The following ZNF704 variants were observed in gnomAD, a reference collection of about 807,000 sequenced individuals.
ZNF704 encodes the protein zinc finger protein 704, also known as glucocorticoid induced gene 1.
Under a neutral mutation model 44.7 loss-of-function variants are expected in ZNF704, and 10 were observed. The ratio of observed to expected loss-of-function variants is 0.22; its 90% CI spans 0.14 to 0.38. ZNF704 has a LOEUF of 0.38. ZNF704 is among the 10% of genes least tolerant of loss of function. The pLI is 1.00. For missense variants in ZNF704, 390 were observed against 545.5 expected (o/e 0.71, Z 2.84); for synonymous variants, 211 against 207.6 (o/e 1.02, Z -0.14).
chr8:80,630,736 T>C lies in ZNF704; in HGVS notation c.*10630A>G, dbSNP rs1419876105. On this transcript the variant is annotated 3_prime_UTR_variant, in exon 9 of 9. Transcript: ENST00000327835. The stretch of plus-strand genomic sequence containing the variant: ...GAGTTCTTCTTCTAAGTATATAGGA[T>C]TTTGATACGCAAAACACTTTGGAAA... 1 of 152,184 alleles carries C rather than the reference T, an allele frequency of 6.6e-6. No individual in the cohort carries two copies. Among genetic ancestry groups the C allele is most frequent in the African/African-American group, 2.4e-5 (1 of 41,440 alleles). 9.4% of individuals were successfully genotyped at this position (152,184 alleles called of 1,614,324 possible).
At chr8:80,834,667 T>C (rs537545316) in intron 1 of ZNF704, among the ~76,000 whole-genome samples, 1 of 152,306 alleles carries the variant, frequency 6.6e-6, no homozygotes, top group South Asian at 2.1e-4. Flanking sequence ...TTTGTCATAA[T>C]GCTCTCCCTC....
In ZNF704 at chr8:80,646,013, C is replaced by T. The variant is rs139917302; in HGVS notation, c.1033-2884G>A. On this transcript the variant is annotated intron_variant, in intron 7 of 8. Coordinates refer to ENST00000327835, the MANE Select transcript of ZNF704 (RefSeq NM_001033723.3). ...GCAAGGGCCAGTTTGGCCCCCCTCACCCTCTCACCTTCTGCCATGTGATGA... is the reference window on the plus strand; with the variant it reads ...GCAAGGGCCAGTTTGGCCCCCCTCATCCTCTCACCTTCTGCCATGTGATGA... 4.7e-3 allele frequency among the ~76,000 whole-genome samples: 718 copies of T among 152,278 alleles called. 2 individuals are homozygous for T. Among genetic ancestry groups the T allele is most frequent in the Non-Finnish European group, 7.2e-3 (489 of 68,030 alleles).
At chr8:80,705,975 T>C (rs1292956279) in intron 2 of ZNF704, among the ~76,000 whole-genome samples, 3 of 152,136 alleles carry the variant, frequency 2.0e-5, no homozygotes, top group Non-Finnish European at 4.4e-5. Flanking sequence ...GAGCACCTCA[T>C]CCAGCAGAGC....
At chr8:80,817,341 C>A (rs1808193060) in intron 2 of ZNF704, among the ~76,000 whole-genome samples, 1 of 152,228 alleles carries the variant, frequency 6.6e-6, no homozygotes, top group Non-Finnish European at 1.5e-5. Context: ...AAGGCCACAG[C>A]TCCCACATGC....
At chr8:80,681,579 T>C (rs1173769838) in intron 4 of ZNF704, among the ~76,000 whole-genome samples, 2 of 152,142 alleles carry the variant, frequency 1.3e-5, no homozygotes, top group African/African-American at 2.4e-5. Flanking sequence ...CAAAACTCAC[T>C]AAATGGTATA....
intron 2 of ZNF704, among the ~76,000 whole-genome samples, chr8:80,719,436 C>G (rs1819126833): frequency 6.6e-6 from 1 of 152,112 alleles, no homozygotes; most frequent in African/African-American, 2.4e-5. Flanking sequence ...CAGAAAAGAT[C>G]AAAGTAACAA....
intron 2 of ZNF704, among the ~76,000 whole-genome samples, chr8:80,759,229 T>C (rs535353982): frequency 5.7e-4 from 86 of 151,974 alleles, no homozygotes; most frequent in Non-Finnish European, 1.1e-3. Flanking sequence ...TTTGTAGACT[T>C]TTGATGGACC....
At chr8:80,649,407 T>A (rs912604940) in intron 7 of ZNF704, among the ~76,000 whole-genome samples, 1 of 152,178 alleles carries the variant, frequency 6.6e-6, no homozygotes, top group Non-Finnish European at 1.5e-5. Flanking sequence ...GGGAATTCCC[T>A]TTCCTAGTCA....
At chr8:80,705,711 G>A (rs1818885813) in intron 2 of ZNF704, among the ~76,000 whole-genome samples, 1 of 152,172 alleles carries the variant, frequency 6.6e-6, no homozygotes, top group Non-Finnish European at 1.5e-5. Flanking sequence ...TGGCTGTGCC[G>A]CAGACCCTGT....
intron 2 of ZNF704, among the ~76,000 whole-genome samples, chr8:80,772,679 TG>T (rs1443291217): frequency 6.6e-6 from 1 of 152,190 alleles, no homozygotes; most frequent in African/African-American, 2.4e-5. Context: ...GCATGCGATT[TG>T]GGTGGGGACA....
intron 2 of ZNF704, among the ~76,000 whole-genome samples, chr8:80,744,478 T>C (rs1806812719): frequency 6.6e-6 from 1 of 152,186 alleles, no homozygotes; most frequent in South Asian, 2.1e-4. Context: ...ATAGTCTCCC[T>C]TGTTGCAGAG....
chr8:80,875,277 C>G (rs1809341266), upstream of ZNF704, among the ~76,000 whole-genome samples: 1 of 151,800 alleles, frequency 6.6e-6, no homozygotes, highest in South Asian at 2.1e-4. Context: ...GGTATTTCTT[C>G]TTTTATTTAT....
At chr8:80,842,262 T>A (rs1416597231) in intron 1 of ZNF704, among the ~76,000 whole-genome samples, 1 of 152,174 alleles carries the variant, frequency 6.6e-6, no homozygotes, top group Non-Finnish European at 1.5e-5. Flanking sequence ...CACTTCAAGG[T>A]CCACCCCGAG....
At position 80,800,987 on chromosome 8, in the gene ZNF704, A is replaced by G. The variant is rs1412981606; in HGVS notation, c.221+20387T>C. 2.0e-5 allele frequency among the ~76,000 whole-genome samples: 3 copies of G among 152,310 alleles called. No homozygotes were observed. In the East Asian group the frequency reaches 5.8e-4, roughly 29 times the overall value. ...GGAAAATGTACCAAGCAAATGGAAC[A>G]CAGAAAAAAGCAGGTGTTGCAATCC... On this transcript the variant is annotated intron_variant, in intron 2 of 8. Coordinates refer to ENST00000327835, the MANE Select transcript of ZNF704 (RefSeq NM_001033723.3).
At chr8:80,655,133 T>A (rs981271419) in intron 7 of ZNF704, among the ~76,000 whole-genome samples, 1 of 151,782 alleles carries the variant, frequency 6.6e-6, no homozygotes, top group South Asian at 2.1e-4. Flanking sequence ...TAGATGGGAA[T>A]TGAACAATGA....
chr8:80,840,685 A>G (rs1342098842), intron 1 of ZNF704, among the ~76,000 whole-genome samples: 1 of 151,936 alleles, frequency 6.6e-6, no homozygotes, highest in African/African-American at 2.4e-5. Flanking sequence ...TTACTTCCCT[A>G]CCTCCTATGT....
At chr8:80,875,211 A>T (rs978471238), upstream of ZNF704, among the ~76,000 whole-genome samples, 2 of 152,156 alleles carry the variant, frequency 1.3e-5, no homozygotes, top group Non-Finnish European at 2.9e-5. Flanking sequence ...GACGATTTTT[A>T]GGTGTGATAA....
intron 1 of ZNF704, among the ~76,000 whole-genome samples, chr8:80,826,840 T>C (rs999225534): frequency 6.6e-6 from 1 of 152,266 alleles, no homozygotes; most frequent in African/African-American, 2.4e-5. Context: ...ATTATCTCAA[T>C]AGATGCAGAA....
chr8:80,819,322 C>CT (rs2129872241), intron 2 of ZNF704, among the ~76,000 whole-genome samples: 1 of 152,180 alleles, frequency 6.6e-6, no homozygotes, highest in Non-Finnish European at 1.5e-5. Flanking sequence ...CAGAAAACAT[C>CT]TTTCTTCTTC....
Sources: gnomAD v4.1 joint callset for allele counts (sites outside exome capture counted in the v4.1 genomes callset) on GRCh38, gnomAD v4.1.1 for gene constraint, MANE v1.5 for transcripts, NCBI Gene and HGNC (gene_info 2026-07-23, HGNC 2026-07-21) for gene names.